Variants in IGF1R observed in about 807,000 individuals in gnomAD.
The protein encoded by IGF1R is insulin-like growth factor 1 receptor.
In IGF1R, 44 loss-of-function variants were observed where a neutral mutation model predicts 144.6. The ratio of observed to expected loss-of-function variants is 0.30; its 90% CI spans 0.24 to 0.39. The LOEUF is 0.39. IGF1R is among the 10% of genes least tolerant of loss of function. IGF1R has a pLI of 1.00. For synonymous variants in IGF1R, 795 were observed against 722.8 expected (o/e 1.10, Z -1.60); for missense variants, 1,355 against 1,833.7 (o/e 0.74, Z 4.77).
Position 98,785,018 on chromosome 15 carries a change from C to G in IGF1R, c.640+76911C>G, listed in dbSNP as rs78291955. Among the ~76,000 whole-genome samples the G allele has an allele frequency of 8.7e-3, 1,317 of 152,210 alleles. 26 individuals are homozygous for G. The highest frequency in any genetic ancestry group is 0.03 in the African/African-American group (1,233 of 41,526). On this transcript the variant is annotated intron_variant, in intron 2 of 20. Transcript: ENST00000650285. ...GAAAGAATATGAACACACAGAAGTT[C>G]ATGTGTATATATATATGTGTATGTG...
intron 1 of IGF1R, among the ~76,000 whole-genome samples, chr15:98,680,687 C>A (rs1026650587): frequency 6.6e-6 from 1 of 151,984 alleles, no homozygotes; most frequent in African/African-American, 2.4e-5. Context: ...GTGTCACCCT[C>A]CCCAAGTAGC....
intron 2 of IGF1R, among the ~76,000 whole-genome samples, chr15:98,712,502 C>G (rs796724530): frequency 6.6e-6 from 1 of 152,150 alleles, no homozygotes; most frequent in East Asian, 1.9e-4. Flanking sequence ...AATGGAAATG[C>G]TGCTTCAGCT....
At chr15:98,898,877 T>C (rs1288819889) in intron 4 of IGF1R, among the ~76,000 whole-genome samples, 1 of 152,006 alleles carries the variant, frequency 6.6e-6, no homozygotes, top group Non-Finnish European at 1.5e-5. Context: ...CAACTATTTT[T>C]CCAACTATTT....
chr15:98,865,859 C>T (rs889446074), intron 2 of IGF1R, among the ~76,000 whole-genome samples: 5 of 152,064 alleles, frequency 3.3e-5, no homozygotes, highest in Non-Finnish European at 7.4e-5. Flanking sequence ...TCAGTACACA[C>T]CCTAGTGTAT....
intron 2 of IGF1R, among the ~76,000 whole-genome samples, chr15:98,716,343 T>A (rs969273092): frequency 6.6e-6 from 1 of 152,194 alleles, no homozygotes; most frequent in Non-Finnish European, 1.5e-5. Flanking sequence ...TCCTCTTTGA[T>A]CCTAGTACAT....
In IGF1R at chr15:98,872,396, A is replaced by AC. The variant is rs566758924; in HGVS notation, c.641-18928dup. Reference sequence around the variant, plus strand: ...TTCCCAGCACGTTATAATCCACTGGACACCTCCAAGGATGAGAGACCAGCG... The same window carrying AC: ...TTCCCAGCACGTTATAATCCACTGGACCACCTCCAAGGATGAGAGACCAGCG... On this transcript the variant is annotated intron_variant, in intron 2 of 20. Coordinates refer to ENST00000650285, the MANE Select transcript of IGF1R (RefSeq NM_000875.5). Among the ~76,000 whole-genome samples, 712 of 152,310 alleles carry AC rather than the reference A, an allele frequency of 4.7e-3. 7 individuals carry two copies. The highest frequency in any genetic ancestry group is 7.8e-3 in the Non-Finnish European group (531 of 68,032).
chr15:98,763,262 A>G (rs906294042), intron 2 of IGF1R, among the ~76,000 whole-genome samples: 1 of 152,144 alleles, frequency 6.6e-6, no homozygotes, highest in Non-Finnish European at 1.5e-5. Flanking sequence ...TAACCTAGTT[A>G]GGGAAATGTT....
chr15:98,873,994 G>C (rs45619436), intron 2 of IGF1R: 1 of 152,150 alleles, frequency 6.6e-6, no homozygotes, highest in Non-Finnish European at 1.5e-5. Context: ...CAGATATTTC[G>C]AGCATGACTG....
chr15:98,750,698 T>G (rs1168404636), intron 2 of IGF1R, among the ~76,000 whole-genome samples: 1 of 152,112 alleles, frequency 6.6e-6, no homozygotes, highest in African/African-American at 2.4e-5. Flanking sequence ...GGGTTAAAAA[T>G]TTGTCTCTAA....
chr15:98,911,547 A>G, intron 7 of IGF1R, 106 bp downstream of exon 7: 1 of 1,483,180 alleles, frequency 6.7e-7, no homozygotes, highest in Admixed American at 1.7e-5. Flanking sequence ...GGGTCAGCAG[A>G]GTCCCCAGGG....
At chr15:98,720,673 G>A (rs544779109) in intron 2 of IGF1R, among the ~76,000 whole-genome samples, 28 of 152,326 alleles carry the variant, frequency 1.8e-4, no homozygotes, top group African/African-American at 6.0e-4. Flanking sequence ...TAGGGAAGGA[G>A]TTGAGAGCAG....
At chr15:98,861,787 C>T (rs1272873076) in intron 2 of IGF1R, among the ~76,000 whole-genome samples, 7 of 152,198 alleles carry the variant, frequency 4.6e-5, no homozygotes, top group Non-Finnish European at 8.8e-5. Context: ...ATCCATGGTA[C>T]GCTCACTCCT....
intron 2 of IGF1R, among the ~76,000 whole-genome samples, chr15:98,856,942 G>T (rs2011852845): frequency 6.6e-6 from 1 of 152,074 alleles, no homozygotes; most frequent in Admixed American, 6.5e-5. Context: ...ACTTAGGGAG[G>T]TCTTTCCATC....
intron 2 of IGF1R, among the ~76,000 whole-genome samples, chr15:98,852,019 C>T (rs1041333320): frequency 6.6e-6 from 1 of 152,156 alleles, no homozygotes; most frequent in Non-Finnish European, 1.5e-5. Context: ...AAAGACAGAA[C>T]TAAAAATTAA....
intron 1 of IGF1R, 83 bp downstream of exon 1, chr15:98,649,758 C>T (rs934142284): frequency 3.7e-6 from 4 of 1,071,710 alleles, no homozygotes; most frequent in African/African-American, 3.2e-5. Context: ...CCCGAGTTGC[C>T]ACCGTCGCAG....
Position 98,916,713 on chromosome 15 carries a change from A to G in IGF1R, c.2038A>G (p.Ile680Val). 1 of 1,614,104 alleles carries G rather than the reference A, an allele frequency of 6.2e-7. No homozygotes were observed. Residue 680 changes from isoleucine (I) to valine (V), a missense_variant, in exon 10 of 21, where the codon ATT (isoleucine) becomes GTT (valine). This residue lies in a region of IGF1R where 880 missense variants were observed against 1,202.7 expected (regional missense o/e 0.73). Coordinates refer to ENST00000650285, the MANE Select transcript of IGF1R (RefSeq NM_000875.5). ...IRKYADGTID[I>V]EEVTENPKTE... is the part of the protein sequence containing the mutation. ...GAAGTATGCCGACGGCACCATCGACATTGAGGAGGTCACAGAGAACCCCAA... is the reference window on the plus strand; with the variant it reads ...GAAGTATGCCGACGGCACCATCGACGTTGAGGAGGTCACAGAGAACCCCAA...
intron 4 of IGF1R, among the ~76,000 whole-genome samples, chr15:98,897,765 G>T (rs2014275776): frequency 6.6e-6 from 1 of 152,158 alleles, no homozygotes; most frequent in African/African-American, 2.4e-5. Context: ...TTTCACTTCT[G>T]ATTTTTCATT....
chr15:98,679,067 T>A (rs546531590), intron 1 of IGF1R, among the ~76,000 whole-genome samples: 1 of 152,054 alleles, frequency 6.6e-6, no homozygotes, highest in East Asian at 1.9e-4. Context: ...GACCCATACC[T>A]GGCTAATTTT....
In IGF1R at chr15:98,741,683, T is replaced by C. The variant is rs552258586; in HGVS notation, c.640+33576T>C. On this transcript the variant is annotated intron_variant, in intron 2 of 20. Coordinates refer to ENST00000650285, the MANE Select transcript of IGF1R (RefSeq NM_000875.5). ...CGCATTTCTTCTTCTGTAGAGTCTT[T>C]TGCAAACTAGAGAGTCTTGCAGAGA... is the stretch of plus-strand genomic sequence containing the variant. Among the ~76,000 whole-genome samples, 8 of 152,318 alleles carry C rather than the reference T, an allele frequency of 5.3e-5. No homozygotes were observed. In the South Asian group the frequency reaches 1.7e-3, roughly 32 times the overall value.
Sources: allele counts gnomAD v4.1 joint callset (sites outside exome capture counted in the v4.1 genomes callset), GRCh38; gene constraint gnomAD v4.1.1; regional missense constraint gnomAD v4.1.1; transcripts MANE v1.5; gene names NCBI Gene and HGNC (gene_info 2026-07-23, HGNC 2026-07-21).